SPINK14: variants seen among roughly 807,000 people sequenced by gnomAD.
The protein encoded by SPINK14 is serine protease inhibitor Kazal-type 14.
SPINK14 carries 6 observed loss-of-function variants against 14.2 expected under a neutral mutation model. That is an observed-to-expected ratio of 0.42 (90% CI 0.23 to 0.83). The LOEUF (loss-of-function observed/expected upper bound fraction) is 0.83, where lower values mean the gene tolerates loss of function less well. SPINK14 is among the 40% of genes least tolerant of loss of function. The pLI, the probability that SPINK14 is intolerant of heterozygous loss-of-function variation, is 0.28. For synonymous variants in SPINK14, 34 were observed against 36.8 expected (o/e 0.92, Z 0.27); for missense variants, 86 against 108.3 (o/e 0.79, Z 0.91).
intron 1 of SPINK14, among the ~76,000 whole-genome samples, 171 bp downstream of exon 1, chr5:148,168,738 C>A (rs1484611656): frequency 6.6e-6 from 1 of 151,988 alleles, no homozygotes; most frequent in Non-Finnish European, 1.5e-5. Context: ...CCAGATTGTG[C>A]CAGGAGTAGG....
chr5:148,171,002 A>G, intron 3 of SPINK14, 29 bp downstream of exon 3: 5 of 1,602,790 alleles, frequency 3.1e-6, no homozygotes, highest in Non-Finnish European at 4.3e-6. Context: ...TCCCCCCAGG[A>G]CTTACATTAT....
intron 1 of SPINK14, among the ~76,000 whole-genome samples, chr5:148,169,316 C>T (rs973471188): frequency 8.2e-6 from 1 of 122,542 alleles, no homozygotes; most frequent in Non-Finnish European, 1.7e-5. Context: ...GTCTAGGGAC[C>T]TCAATAGCCC....
intron 3 of SPINK14, among the ~76,000 whole-genome samples, chr5:148,171,348 T>C (rs1755103296): frequency 1.3e-5 from 2 of 152,116 alleles, no homozygotes; most frequent in African/African-American, 4.8e-5. Context: ...CTCCTAAATG[T>C]CTTGAGATGT....
At chr5:148,171,490 A>G (rs1581129293) in intron 3 of SPINK14, among the ~76,000 whole-genome samples, 1 of 152,128 alleles carries the variant, frequency 6.6e-6, no homozygotes, top group African/African-American at 2.4e-5. Context: ...GGCAAAATGG[A>G]GACATCTTTT....
intron 2 of SPINK14, 98 bp downstream of exon 2, chr5:148,169,897 G>T: frequency 1.2e-6 from 1 of 852,676 alleles, no homozygotes; most frequent in Non-Finnish European, 1.8e-6. Flanking sequence ...TTCTTTAACT[G>T]GGATGAATAT....
At chr5:148,173,011 G>A in intron 3 of SPINK14, among the ~76,000 whole-genome samples, 1 of 151,746 alleles carries the variant, frequency 6.6e-6, no homozygotes, top group East Asian at 1.9e-4. Context: ...CCTTAATCAA[G>A]GAAATAAAAT....
In SPINK14 at chr5:148,169,658, T is replaced by C. The variant is rs1426098109; in HGVS notation, c.-72-3T>C. The C allele has an allele frequency of 4.3e-6, 5 of 1,174,752 alleles. No individual in the cohort carries two copies. The African/African-American group carries it at 4.6e-5, about 11-fold the overall frequency. 72.8% of individuals were successfully genotyped at this position (1,174,752 alleles called of 1,614,324 possible). ...TCTTAAATCCTGATTGTCTCTACTT[T>C]AGTGATTGTATTAGAGGGCAACAAC... On this transcript the variant is annotated splice_polypyrimidine_tract_variant and splice_region_variant and intron_variant, in intron 1 of 4. Coordinates refer to ENST00000356972, the MANE Select transcript of SPINK14 (RefSeq NM_001001325.2).
At chr5:148,169,425 A>G (rs540670805) in intron 1 of SPINK14, among the ~76,000 whole-genome samples, 1 of 152,278 alleles carries the variant, frequency 6.6e-6, no homozygotes, top group African/African-American at 2.4e-5. Flanking sequence ...CCACTAAAAT[A>G]ATACACTTAT....
intron 1 of SPINK14, among the ~76,000 whole-genome samples, chr5:148,169,050 A>T (rs1755066807): frequency 6.6e-6 from 1 of 152,096 alleles, no homozygotes; most frequent in Non-Finnish European, 1.5e-5. Flanking sequence ...AGGAAAGTCC[A>T]TCCCGAGGGA....
At chr5:148,174,457 C>A in intron 4 of SPINK14, 87 bp downstream of exon 4, 1 of 788,622 alleles carries the variant, frequency 1.3e-6, no homozygotes. Flanking sequence ...AGTACATCAA[C>A]CTTGAAGCCA....
At chr5:148,174,103 C>A in intron 3 of SPINK14, 131 bp from the exon 4 acceptor site, 1 of 510,448 alleles carries the variant, frequency 2.0e-6, no homozygotes, top group East Asian at 3.7e-5. Flanking sequence ...CTCAGCCTCC[C>A]AAAATGTTGG....
rs75218093 is a variant in SPINK14, at chr5:148,171,005, T to G, written c.111+32T>G. The G allele has an allele frequency of 6.4e-3, 10,236 of 1,595,132 alleles. 588 individuals carry two copies. In the African/African-American group the frequency reaches 0.12, roughly 19 times the overall value. ...TTCCATTAAATTTCCCCCCAGGACT[T>G]ACATTATAATATGAGTTCTTTTTTT... On this transcript the variant is annotated intron_variant, in intron 3 of 4. Transcript: ENST00000356972.
chr5:148,173,776 T>C lies in SPINK14; in HGVS notation c.112-458T>C, dbSNP rs1410214160. Among the ~76,000 whole-genome samples, 4 of 95,352 alleles carry C rather than the reference T, an allele frequency of 4.2e-5. 2 individuals are homozygous for C. Among genetic ancestry groups the C allele is most frequent in the Non-Finnish European group, 8.9e-5 (4 of 44,862 alleles). The allele number at this position is 95,352 out of a possible 152,430, so 62.6% of individuals were successfully genotyped here. On this transcript the variant is annotated intron_variant, in intron 3 of 4. Coordinates refer to ENST00000356972, the MANE Select transcript of SPINK14 (RefSeq NM_001001325.2). ...ATATTGTCACCAAATGGGATATATATAGGTTCTAGTTCCATGGCTTTGTGG... is the reference window on the plus strand; with the variant it reads ...ATATTGTCACCAAATGGGATATATACAGGTTCTAGTTCCATGGCTTTGTGG...
chr5:148,174,398 A>T, intron 4 of SPINK14, 28 bp downstream of exon 4: 1 of 1,079,452 alleles, frequency 9.3e-7, no homozygotes, highest in East Asian at 2.8e-5. Flanking sequence ...AAAAGAGGGG[A>T]ACTGTAAGTA....
At chr5:148,170,853 C>T in intron 2 of SPINK14, 77 bp from the exon 3 acceptor site, 1 of 1,270,748 alleles carries the variant, frequency 7.9e-7, no homozygotes, top group Non-Finnish European at 1.1e-6. Context: ...TAAATTAGAA[C>T]TCGTTTATTC....
At chr5:148,171,268 A>AGC (rs1755102448) in intron 3 of SPINK14, among the ~76,000 whole-genome samples, 1 of 152,126 alleles carries the variant, frequency 6.6e-6, no homozygotes, top group Admixed American at 6.6e-5. Context: ...GAGCCTATGG[A>AGC]CTTGGGCATA....
At chr5:148,170,450 G>A (rs1398736563) in intron 2 of SPINK14, among the ~76,000 whole-genome samples, 1 of 151,996 alleles carries the variant, frequency 6.6e-6, no homozygotes, top group African/African-American at 2.4e-5. Context: ...CCCTCTTCTA[G>A]AGAAGAAATC....
In SPINK14 at chr5:148,169,811, A is replaced by G. The variant is rs774373020; in HGVS notation, c.67+12A>G. The G allele has an allele frequency of 1.9e-5, 30 of 1,607,370 alleles. No homozygotes were observed. In the East Asian group the frequency reaches 6.5e-4, roughly 35 times the overall value. ...GGTGTTATCTTCTGGTGAGTAATTT[A>G]GCTGGTCTTGGCCAGCAGTTGAAAT... On this transcript the variant is annotated intron_variant, in intron 2 of 4. Coordinates refer to ENST00000356972, the MANE Select transcript of SPINK14 (RefSeq NM_001001325.2).
chr5:148,175,305 C>A, intron 4 of SPINK14, 48 bp from the exon 5 acceptor site: 1 of 1,180,550 alleles, frequency 8.5e-7, no homozygotes, highest in Non-Finnish European at 1.2e-6. Context: ...TTGTTTAGTT[C>A]TGACATTGTA....
Sources: gnomAD v4.1 joint callset for allele counts (sites outside exome capture counted in the v4.1 genomes callset) on GRCh38, gnomAD v4.1.1 for gene constraint, MANE v1.5 for transcripts, NCBI Gene and HGNC (gene_info 2026-07-23, HGNC 2026-07-21) for gene names.